The following PRH1 variants were observed in gnomAD, a reference collection of about 807,000 sequenced individuals.
The protein encoded by PRH1 is proline rich protein HaeIII subfamily 1.
A neutral mutation model predicts 7.9 loss-of-function variants in PRH1; 7 were observed. The ratio of observed to expected loss-of-function variants is 0.89; its 90% CI spans 0.50 to 1.67. PRH1 has a LOEUF of 1.67. PRH1 is among the 40% of genes most tolerant of loss of function. PRH1 has a pLI of 0.00. For missense variants in PRH1, 109 were observed against 223.6 expected (o/e 0.49, Z 3.27); for synonymous variants, 45 against 80.8 (o/e 0.56, Z 2.38).
At position 10,986,537 on chromosome 12, in the gene PRH1, G is replaced by T. The variant is rs113264845; in HGVS notation, c.-125-12816C>A. 1,828 of 1,614,102 alleles carry T rather than the reference G, an allele frequency of 1.1e-3. 29 individuals are homozygous for T. The African/African-American group carries it at 0.021, about 19-fold the overall frequency. ...GAAGGTTGGAGAAATTGGCAATCTT[G>T]AGCAAATAAAATATGCTGAGGTTAG... is the stretch of plus-strand genomic sequence containing the variant. On this transcript the variant is annotated intron_variant, in intron 1 of 3. Transcript: ENST00000539853.
chr12:10,956,641 G>C (rs147502593), intron 2 of PRH1, among the ~76,000 whole-genome samples: 32 of 152,262 alleles, frequency 2.1e-4, no homozygotes, highest in Non-Finnish European at 4.1e-4. Context: ...CCTGTTCGCA[G>C]ATAATGTGAC....
intron 1 of PRH1, among the ~76,000 whole-genome samples, chr12:10,991,389 C>T (rs906770820): frequency 2.6e-5 from 4 of 151,716 alleles, no homozygotes; most frequent in African/African-American, 4.8e-5. Flanking sequence ...ATGATAATCC[C>T]CTGCCTATCA....
chr12:10,921,571 A>G (rs1950045822), intron 2 of PRH1, among the ~76,000 whole-genome samples: 1 of 152,140 alleles, frequency 6.6e-6, no homozygotes, highest in African/African-American at 2.4e-5. Context: ...CTAATCTTTA[A>G]AAGATTTTGG....
At chr12:11,134,197 T>C in intron 1 of PRH1, 1 of 1,613,664 alleles carries the variant, frequency 6.2e-7, no homozygotes, top group South Asian at 1.1e-5. Flanking sequence ...CAATAACAAA[T>C]ATAACCACTA....
In PRH1 at chr12:10,950,526, T is replaced by A. The variant is rs1417552117; in HGVS notation, c.-59+23129A>T. Among the ~76,000 whole-genome samples, 10 of 151,966 alleles carry A rather than the reference T, an allele frequency of 6.6e-5. No individual in the cohort carries two copies. The East Asian group carries it at 1.5e-3, about 23-fold the overall frequency. On this transcript the variant is annotated intron_variant, in intron 2 of 3. Transcript: ENST00000539853. ...TTCATTCTACGACTCTGATTTCATA[T>A]ACATTTCTTAAGAATAAATTATATA...
At chr12:10,993,658 C>A (rs1462440649) in intron 1 of PRH1, among the ~76,000 whole-genome samples, 1 of 152,112 alleles carries the variant, frequency 6.6e-6, no homozygotes, top group East Asian at 1.9e-4. Flanking sequence ...CAACGTATTC[C>A]ACATTTGAGG....
intron 1 of PRH1, among the ~76,000 whole-genome samples, chr12:11,141,986 T>A (rs902763232): frequency 2.6e-5 from 4 of 151,678 alleles, no homozygotes; most frequent in African/African-American, 9.7e-5. Flanking sequence ...AGACAAAGAG[T>A]CTCCCTATGT....
rs376746621 is a variant in PRH1, at chr12:11,085,916, G to T, written n.124-38728C>A. On this transcript the variant is annotated intron_variant and non_coding_transcript_variant, in intron 1 of 4. Transcript: ENST00000541977. ...TATATGTAGCTTGGTCAAAACTAGA[G>T]TCATGACCACTGTTGATTCATTTTT... Among the ~76,000 whole-genome samples the T allele has an allele frequency of 2.1e-5, 2 of 93,516 alleles. 1 individual carries two copies. The highest frequency in any genetic ancestry group is 7.1e-5 in the African/African-American group (2 of 28,142). 61.4% of individuals were successfully genotyped at this position (93,516 alleles called of 152,430 possible). A position where few individuals can be genotyped will look rare whatever the true frequency, so the allele number is the denominator to read the frequency against.
At chr12:10,972,972 G>C (rs964452406) in intron 2 of PRH1, among the ~76,000 whole-genome samples, 1 of 134,338 alleles carries the variant, frequency 7.4e-6, no homozygotes. Flanking sequence ...ATGGATGGGA[G>C]AAATTATTGT....
chr12:11,113,585 A>T (rs552311497), intron 1 of PRH1, among the ~76,000 whole-genome samples: 1 of 152,352 alleles, frequency 6.6e-6, no homozygotes, highest in East Asian at 1.9e-4. Flanking sequence ...TAAAAACTTA[A>T]ATGTAATATC....
At chr12:10,940,218 G>A (rs1028865680) in intron 2 of PRH1, among the ~76,000 whole-genome samples, 10 of 151,870 alleles carry the variant, frequency 6.6e-5, no homozygotes, top group Non-Finnish European at 1.0e-4. Flanking sequence ...AAACATGCGC[G>A]CACACACACA....
chr12:11,129,292 G>C, intron 1 of PRH1, among the ~76,000 whole-genome samples: 1 of 152,292 alleles, frequency 6.6e-6, no homozygotes, highest in Non-Finnish European at 1.5e-5. Context: ...TAATCAGTTT[G>C]TAGTTATTAC....
At chr12:10,892,869 T>G (rs1949594521) in intron 2 of PRH1, among the ~76,000 whole-genome samples, 1 of 152,198 alleles carries the variant, frequency 6.6e-6, no homozygotes, top group Non-Finnish European at 1.5e-5. Context: ...GGTGAAGGAC[T>G]AAAGCAGCCC....
downstream of PRH1, among the ~76,000 whole-genome samples, chr12:11,118,786 A>C (rs529922996): frequency 6.6e-6 from 1 of 152,184 alleles, no homozygotes; most frequent in African/African-American, 2.4e-5. Flanking sequence ...TGAGGTCAAG[A>C]GATTGAGACC....
At chr12:11,039,362 C>G (rs1159896983) in intron 1 of PRH1, among the ~76,000 whole-genome samples, 1 of 152,220 alleles carries the variant, frequency 6.6e-6, no homozygotes, top group African/African-American at 2.4e-5. Context: ...AATCAATGCT[C>G]TCTTTATGGA....
intron 2 of PRH1, among the ~76,000 whole-genome samples, chr12:10,957,397 T>A (rs1261181129): frequency 6.6e-6 from 1 of 152,098 alleles, no homozygotes. Flanking sequence ...TTCTTATACA[T>A]ACACAAAACT....
chr12:11,159,827 T>C, intron 1 of PRH1: 1 of 152,224 alleles, frequency 6.6e-6, no homozygotes, highest in Non-Finnish European at 1.5e-5. Flanking sequence ...CAAATTCAGA[T>C]ATATGTTCAG....
chr12:10,952,610 C>T (rs1251296636), intron 2 of PRH1, among the ~76,000 whole-genome samples: 2 of 152,032 alleles, frequency 1.3e-5, no homozygotes, highest in African/African-American at 4.8e-5. Flanking sequence ...AATTGACTGT[C>T]CAGAAATTAG....
At chr12:10,977,240 A>C (rs1426531844) in intron 1 of PRH1, among the ~76,000 whole-genome samples, 1 of 152,146 alleles carries the variant, frequency 6.6e-6, no homozygotes, top group Non-Finnish European at 1.5e-5. Flanking sequence ...CTTTATCACT[A>C]ACATACAAGG....
Sources: gnomAD v4.1 joint callset for allele counts (sites outside exome capture counted in the v4.1 genomes callset) on GRCh38, gnomAD v4.1.1 for gene constraint, MANE v1.5 for transcripts, NCBI Gene and HGNC (gene_info 2026-07-23, HGNC 2026-07-21) for gene names.